SEC14L3: variants seen among roughly 807,000 people sequenced by gnomAD.
The protein encoded by SEC14L3 is SEC14-like protein 3.
Under a neutral mutation model 57.4 loss-of-function variants are expected in SEC14L3, and 56 were observed. That is an observed-to-expected ratio of 0.97 (90% CI 0.79 to 1.22). The LOEUF is 1.22. SEC14L3 is among the 50% of genes most tolerant of loss of function. The probability of loss-of-function intolerance (pLI) is 0.00; values close to 1 mark genes in which losing one functional copy is unlikely to be tolerated. For missense variants in SEC14L3, 485 were observed against 511.7 expected (o/e 0.95, Z 0.50); for synonymous variants, 173 against 194.4 (o/e 0.89, Z 0.92).
At chr22:30,454,841 A>AT (rs1935068449), downstream of SEC14L3, among the ~76,000 whole-genome samples, 1 of 62,346 alleles carries the variant, frequency 1.6e-5, no homozygotes, top group Non-Finnish European at 2.5e-5. Flanking sequence ...ATATAATAAT[A>AT]TATAATATAT....
chr22:30,463,178 T>C (rs1262506928), intron 8 of SEC14L3, among the ~76,000 whole-genome samples: 1 of 152,206 alleles, frequency 6.6e-6, no homozygotes, highest in African/African-American at 2.4e-5. Context: ...AAGTCAGACC[T>C]CCTAGTGGGG....
rs1200594714 is a variant in SEC14L3 at position 30,461,499 on chromosome 22, G to C, written c.912-20C>G. 1 of 1,613,294 alleles carries C rather than the reference G, an allele frequency of 6.2e-7. No homozygotes were observed. Among genetic ancestry groups the C allele is most frequent in the East Asian group, 2.2e-5 (1 of 44,850 alleles). ...TGCCACCTGTCAGGGGGAGGGGGAG[G>C]AGACAGGTTGCTGCTCAGCCTGATG... On this transcript the variant is annotated intron_variant, in intron 10 of 11. Coordinates refer to ENST00000215812, the MANE Select transcript of SEC14L3 (RefSeq NM_174975.5).
downstream of SEC14L3, among the ~76,000 whole-genome samples, chr22:30,457,739 C>T (rs1261232581): frequency 1.3e-5 from 2 of 150,824 alleles, no homozygotes; most frequent in Non-Finnish European, 3.0e-5. Context: ...CTCTTCTCTT[C>T]CTTCCTTTTT....
Position 30,468,533 on chromosome 22 carries a change from T to G in SEC14L3, c.398A>C (p.His133Pro), listed in dbSNP as rs770860222. The part of the protein sequence containing the change: ...TKMRDCERIL[H>P]ECDLQTERLG... ...CCTCTCTGTCTGCAGGTCACACTCA[T>G]GCAGGATGCGCTCACAGTCCCTCAT... Residue 133 changes from histidine to proline, a missense_variant, in exon 5 of 12, where the codon CAT (histidine) becomes CCT (proline). Transcript: ENST00000215812. 2.5e-6 allele frequency: 4 copies of G among 1,613,706 alleles called. No individual in the cohort carries two copies. Among genetic ancestry groups the G allele is most frequent in the Non-Finnish European group, 3.4e-6 (4 of 1,179,890 alleles).
At chr22:30,454,525 A>T (rs1354433009), downstream of SEC14L3, among the ~76,000 whole-genome samples, 1 of 121,250 alleles carries the variant, frequency 8.2e-6, no homozygotes, top group East Asian at 2.3e-4. Context: ...ATATTATTAT[A>T]TATAATCTAT....
At position 30,469,953 on chromosome 22, in the gene SEC14L3, A is replaced by G. The variant is rs1601827146; in HGVS notation, c.234+66T>C. 2.1e-5 allele frequency: 27 copies of G among 1,268,982 alleles called. No individual in the cohort carries two copies. In the East Asian group the frequency reaches 6.4e-4, roughly 30 times the overall value. 78.6% of individuals were successfully genotyped at this position (1,268,982 alleles called of 1,614,324 possible). A position where few individuals can be genotyped will look rare whatever the true frequency, so the allele number is the denominator to read the frequency against. On this transcript the variant is annotated intron_variant, in intron 4 of 11. Coordinates refer to ENST00000215812, the MANE Select transcript of SEC14L3 (RefSeq NM_174975.5). ...CTCTCAGGCTTGCTGCCCCTCATTCATGGTCCCCAGTGACCTTGAGTGGTA... is the reference window on the plus strand; with the variant it reads ...CTCTCAGGCTTGCTGCCCCTCATTCGTGGTCCCCAGTGACCTTGAGTGGTA...
intron 8 of SEC14L3, among the ~76,000 whole-genome samples, chr22:30,462,583 G>T (rs5749105): frequency 0.7 from 106,950 of 151,848 alleles, 38,663 homozygotes; most frequent in African/African-American, 0.86. Flanking sequence ...ATTTTTATTT[G>T]GTTTTGTTTG....
At position 30,460,039 on chromosome 22, in the gene SEC14L3, C is replaced by T. The variant is rs1300348891; in HGVS notation, c.1185G>A (p.Lys395=). 9 of 1,614,006 alleles carry T rather than the reference C, an allele frequency of 5.6e-6. No homozygotes were observed. Among genetic ancestry groups the T allele is most frequent in the Admixed American group, 1.7e-5 (1 of 60,008 alleles). The change falls in exon 12 of 12, where the codon AAG becomes AAA. Residue 395 remains lysine, a synonymous_variant. Coordinates refer to ENST00000215812, the MANE Select transcript of SEC14L3 (RefSeq NM_174975.5). ...GAGCCACCTAGACAGGGGTGAGCTC[C>T]TTATCATATTTCTGCATGCCCTCGT... ...LPDEGMQKYD[K]ELTPV
intron 12 of SEC14L3, among the ~76,000 whole-genome samples, chr22:30,452,242 CTTTCTT>C (rs1415588299): frequency 1.6e-5 from 2 of 124,696 alleles, no homozygotes; most frequent in African/African-American, 6.3e-5. Flanking sequence ...TCTTTTCTTT[CTTTCTT>C]TTTTTTTTTT....
chr22:30,468,987 G>C (rs999382718), intron 4 of SEC14L3: 3 of 1,409,590 alleles, frequency 2.1e-6, no homozygotes, highest in Non-Finnish European at 2.8e-6. Flanking sequence ...TTTAGTGATG[G>C]AGAACACAGA....
chr22:30,468,989 G>T, intron 4 of SEC14L3: 1 of 1,407,880 alleles, frequency 7.1e-7, no homozygotes, highest in Non-Finnish European at 9.2e-7. Flanking sequence ...TAGTGATGGA[G>T]AACACAGATT....
chr22:30,452,778 ATCTT>A (rs1935014429), intron 12 of SEC14L3, among the ~76,000 whole-genome samples: 1 of 142,794 alleles, frequency 7.0e-6, no homozygotes, highest in African/African-American at 2.6e-5. Flanking sequence ...CAGTGGTGTG[ATCTT>A]GGCTCACTGC....
At chr22:30,463,462 G>A (rs1935329331) in intron 8 of SEC14L3, among the ~76,000 whole-genome samples, 1 of 152,208 alleles carries the variant, frequency 6.6e-6, no homozygotes, top group Non-Finnish European at 1.5e-5. Context: ...GGCAGAGGCT[G>A]TGGACTTAAG....
At chr22:30,455,867 A>C (rs1346310478), downstream of SEC14L3, among the ~76,000 whole-genome samples, 1 of 152,124 alleles carries the variant, frequency 6.6e-6, no homozygotes. Flanking sequence ...CTGCCTTGGC[A>C]TTTCTGGGCT....
chr22:30,468,432 G>A, intron 5 of SEC14L3, 76 bp downstream of exon 5: 1 of 1,076,234 alleles, frequency 9.3e-7, no homozygotes, highest in Non-Finnish European at 1.4e-6. Context: ...AGAGAACACA[G>A]GTGTGTTTCT....
chr22:30,450,756 G>C (rs968206221), intron 12 of SEC14L3, among the ~76,000 whole-genome samples: 1 of 152,212 alleles, frequency 6.6e-6, no homozygotes, highest in Non-Finnish European at 1.5e-5. Flanking sequence ...GGTTCTGGAA[G>C]CTGGGTAATA....
At chr22:30,467,115 G>A (rs771963071) in intron 5 of SEC14L3, 38 bp from the exon 6 acceptor site, 1 of 1,612,902 alleles carries the variant, frequency 6.2e-7, no homozygotes, top group Non-Finnish European at 8.5e-7. Flanking sequence ...CTGGAGTTCA[G>A]GGTGTAGGCT....
At chr22:30,466,487 G>A (rs1935421027) in intron 6 of SEC14L3, 93 bp from the exon 7 acceptor site, 1 of 1,568,534 alleles carries the variant, frequency 6.4e-7, no homozygotes, top group South Asian at 1.2e-5. Flanking sequence ...GTTTCAGATG[G>A]CTCTGGAGGG....
At chr22:30,466,493 G>A in intron 6 of SEC14L3, 99 bp from the exon 7 acceptor site, 1 of 1,555,904 alleles carries the variant, frequency 6.4e-7, no homozygotes, top group Admixed American at 1.8e-5. Flanking sequence ...GATGGCTCTG[G>A]AGGGTTTCCC....
Sources: allele counts gnomAD v4.1 joint callset (sites outside exome capture counted in the v4.1 genomes callset), GRCh38; gene constraint gnomAD v4.1.1; transcripts MANE v1.5; gene names NCBI Gene and HGNC (gene_info 2026-07-23, HGNC 2026-07-21).